The following TMEM132C variants were observed in gnomAD, a reference collection of about 807,000 sequenced individuals.
The protein encoded by TMEM132C is transmembrane protein 132C.
Under a neutral mutation model 61.4 loss-of-function variants are expected in TMEM132C, and 29 were observed. The ratio of observed to expected loss-of-function variants is 0.47; its 90% confidence interval spans 0.35 to 0.64. The LOEUF (loss-of-function observed/expected upper bound fraction) is 0.64, where lower values mean the gene tolerates loss of function less well. Ranked by LOEUF, TMEM132C falls within the 30% of genes least tolerant of loss-of-function variation. The pLI is 0.00. For synonymous variants in TMEM132C, 656 were observed against 633.1 expected (o/e 1.04, Z -0.54); for missense variants, 1,408 against 1,476.9 (o/e 0.95, Z 0.76).
At chr12:128,606,487 C>T (rs1305223939) in intron 3 of TMEM132C, among the ~76,000 whole-genome samples, 2 of 152,198 alleles carry the variant, frequency 1.3e-5, no homozygotes, top group Non-Finnish European at 2.9e-5. Flanking sequence ...TAATTGGATT[C>T]GCTTCAACAT....
chr12:128,485,623 G>T (rs1011191152), intron 2 of TMEM132C, among the ~76,000 whole-genome samples: 2 of 151,920 alleles, frequency 1.3e-5, no homozygotes, highest in African/African-American at 2.4e-5. Flanking sequence ...TGGAGGCCAG[G>T]ATACTGCAAA....
At chr12:128,669,359 A>G in intron 4 of TMEM132C, 58 bp from the exon 5 acceptor site, 1 of 1,537,580 alleles carries the variant, frequency 6.5e-7, no homozygotes, top group Non-Finnish European at 8.8e-7. Flanking sequence ...AGAATTGTCC[A>G]GTTCCCAACA....
chr12:128,558,086 G>A (rs997389449), intron 3 of TMEM132C, among the ~76,000 whole-genome samples: 15 of 152,186 alleles, frequency 9.9e-5, no homozygotes, highest in Non-Finnish European at 1.5e-4. Flanking sequence ...GTGCTTGTGA[G>A]GATTAAGTGG....
intron 2 of TMEM132C, among the ~76,000 whole-genome samples, chr12:128,515,459 G>GA (rs1872687266): frequency 6.6e-6 from 1 of 152,210 alleles, no homozygotes; most frequent in African/African-American, 2.4e-5. Flanking sequence ...CTAACGGTGG[G>GA]ATCACCTACT....
At chr12:128,480,044 G>A (rs1024855196) in intron 2 of TMEM132C, among the ~76,000 whole-genome samples, 9 of 152,134 alleles carry the variant, frequency 5.9e-5, no homozygotes, top group Admixed American at 3.3e-4. Flanking sequence ...GATTGCTTGA[G>A]CCCAGGAGTT....
chr12:128,392,312 G>T (rs890884353), intron 1 of TMEM132C, among the ~76,000 whole-genome samples: 1 of 152,184 alleles, frequency 6.6e-6, no homozygotes. Context: ...CACCTTCATC[G>T]TGCCTGATGC....
intron 2 of TMEM132C, among the ~76,000 whole-genome samples, chr12:128,519,389 G>A (rs1266674006): frequency 6.6e-6 from 1 of 152,218 alleles, no homozygotes. Flanking sequence ...ACGATAAGTT[G>A]CATCCAGTTT....
At chr12:128,324,357 A>G (rs916607424) in intron 1 of TMEM132C, among the ~76,000 whole-genome samples, 2 of 152,214 alleles carry the variant, frequency 1.3e-5, no homozygotes, top group African/African-American at 4.8e-5. Context: ...GATCAGCCAT[A>G]TCAACTGTCA....
rs1870773344 is a variant in TMEM132C at position 128,278,700 on chromosome 12, G to A, written c.85+11213G>A. 6.6e-6 allele frequency among the ~76,000 whole-genome samples: 1 copy of A among 151,950 alleles called. No individual in the cohort carries two copies. Among genetic ancestry groups the A allele is most frequent in the Non-Finnish European group, 1.5e-5 (1 of 68,004 alleles). ...GATGACTAAGTTTTTGTCTTAACTT[G>A]TGTGGGCCACGGTTCCCAGATATTT... On this transcript the variant is annotated intron_variant, in intron 1 of 8. Coordinates refer to ENST00000435159, the MANE Select transcript of TMEM132C (RefSeq NM_001136103.3). This position sits in a 1 kb window ranked among gnomAD's most constrained non-coding sequence, Gnocchi z 4.2.
At chr12:128,662,089 G>GA (rs1291907664) in intron 4 of TMEM132C, among the ~76,000 whole-genome samples, 7 of 151,778 alleles carry the variant, frequency 4.6e-5, no homozygotes, top group East Asian at 1.9e-4. Context: ...TTTTGTAAAA[G>GA]AAAAAAAATC....
At chr12:128,619,370 G>A (rs953656992) in intron 4 of TMEM132C, among the ~76,000 whole-genome samples, 12 of 152,164 alleles carry the variant, frequency 7.9e-5, no homozygotes, top group African/African-American at 2.2e-4. Context: ...AGCATTCCCC[G>A]TCACCTACTG....
chr12:128,399,470 T>C (rs775531420), intron 1 of TMEM132C, among the ~76,000 whole-genome samples: 1 of 152,204 alleles, frequency 6.6e-6, no homozygotes, highest in Non-Finnish European at 1.5e-5. Context: ...AATGCACATA[T>C]TTAAATTCTG....
intron 1 of TMEM132C, among the ~76,000 whole-genome samples, chr12:128,386,739 A>G (rs904045281): frequency 1.3e-5 from 2 of 152,158 alleles, no homozygotes; most frequent in African/African-American, 4.8e-5. Context: ...AGGCAGAGAA[A>G]GGGGACACAT....
At chr12:128,421,565 C>T (rs892875657) in intron 2 of TMEM132C, among the ~76,000 whole-genome samples, 2 of 151,596 alleles carry the variant, frequency 1.3e-5, no homozygotes, top group African/African-American at 2.4e-5. Flanking sequence ...GGAAACTTGG[C>T]GTGAACCTTC....
At chr12:128,361,044 G>A (rs1242355553) in intron 1 of TMEM132C, among the ~76,000 whole-genome samples, 1 of 152,208 alleles carries the variant, frequency 6.6e-6, no homozygotes, top group East Asian at 1.9e-4. Flanking sequence ...GTAAGACAGT[G>A]TTTGTGTTTA....
chr12:128,580,552 G>A (rs190378898), intron 3 of TMEM132C, among the ~76,000 whole-genome samples: 17 of 152,364 alleles, frequency 1.1e-4, no homozygotes, highest in African/African-American at 1.7e-4. Context: ...TCCAACGTGG[G>A]AAATTGGATG....
At position 128,593,152 on chromosome 12, in the gene TMEM132C, C is replaced by A. The variant is rs561677743; in HGVS notation, c.1122-23000C>A. Reference sequence around the variant, plus strand: ...CTCTCTCCACCTTCTTCCCTCTCTCCTCTCTCCTTCCCTCTCTTTCTCTCT... The same window carrying A: ...CTCTCTCCACCTTCTTCCCTCTCTCATCTCTCCTTCCCTCTCTTTCTCTCT... On this transcript the variant is annotated intron_variant, in intron 3 of 8. Coordinates refer to ENST00000435159, the MANE Select transcript of TMEM132C (RefSeq NM_001136103.3). Among the ~76,000 whole-genome samples the A allele has an allele frequency of 5.3e-5, 8 of 150,626 alleles. No individual in the cohort carries two copies. In the East Asian group the frequency reaches 1.6e-3, roughly 29 times the overall value.
intron 3 of TMEM132C, among the ~76,000 whole-genome samples, chr12:128,571,559 C>T (rs1874884648): frequency 6.6e-6 from 1 of 152,186 alleles, no homozygotes; most frequent in Non-Finnish European, 1.5e-5. Context: ...ATTCCCCACT[C>T]CCCCTCCCCG....
chr12:128,327,024 T>C (rs1469858539), intron 1 of TMEM132C, among the ~76,000 whole-genome samples: 1 of 149,972 alleles, frequency 6.7e-6, no homozygotes, highest in Non-Finnish European at 1.5e-5. Context: ...CCCAACCTTT[T>C]TGTCTGTGTG....
Sources: gnomAD v4.1 joint callset for allele counts (sites outside exome capture counted in the v4.1 genomes callset) on GRCh38, gnomAD v4.1.1 for gene constraint, Gnocchi (gnomAD v3.1) non-coding constraint, MANE v1.5 for transcripts, NCBI Gene and HGNC (gene_info 2026-07-23, HGNC 2026-07-21) for gene names.